The following FAM136A variants were observed in gnomAD, a reference collection of about 807,000 sequenced individuals.
FAM136A encodes TIM double twin CX3C motif protein.
In FAM136A, 25 loss-of-function variants were observed where a neutral mutation model predicts 21.6. That is an observed-to-expected ratio of 1.16 (90% CI 0.84 to 1.62). The LOEUF is 1.62. FAM136A is among the 40% of genes most tolerant of loss of function. FAM136A has a pLI of 0.00. For missense variants in FAM136A, 338 were observed against 332.0 expected, an observed-to-expected ratio of 1.02 and a Z score of -0.14; for synonymous variants, 119 against 129.4, an observed-to-expected ratio of 0.92 and a Z score of 0.55.
Position 70,301,815 on chromosome 2 carries a change from C to G in FAM136A, c.197G>C (p.Gly66Ala), listed in dbSNP as rs762025123. 1 of 1,548,508 alleles carries G rather than the reference C, an allele frequency of 6.5e-7. No homozygotes were observed. The highest frequency in any genetic ancestry group is 1.4e-5 in the African/African-American group (1 of 73,034). Residue 66 changes from glycine to alanine, a missense_variant, in exon 1 of 3, where the codon GGG becomes GCG. By Grantham distance (60) the Gly-to-Ala change is moderately conservative. Transcript: ENST00000430566. ...CCGGCGACCCCAGGGCCGCCCACAC[C>G]CGGTCTGCGGGGACGCGGCTGCAGT... ...PCTAAASPQT[G>A]CGRPWGRRGG... is the part of the protein sequence containing the mutation.
At position 70,300,977 on chromosome 2, in the gene FAM136A, G is replaced by A; in HGVS notation, c.412C>T (p.Leu138Phe). The A allele has an allele frequency of 6.2e-7, 1 of 1,609,832 alleles. No homozygotes were observed. The highest frequency in any genetic ancestry group is 8.5e-7 in the Non-Finnish European group (1 of 1,176,516). Residue 138 changes from leucine to phenylalanine, a missense_variant, in exon 2 of 3, where the codon CTC becomes TTC. Physicochemically the swap from Leu to Phe is conservative, Grantham distance 22. Transcript: ENST00000430566. ...CAGCTGGCGCTGCACCGGAACATGA[G>A]ACCCTGGGGAGAAAGGGCAGAGAGG... ...SPLTRPLPQG[L>F]MFRCSASCCE...
intron 1 of FAM136A, 100 bp from the exon 2 acceptor site, chr2:70,301,080 C>G (rs1697384517): frequency 7.4e-7 from 1 of 1,356,542 alleles, no homozygotes; most frequent in South Asian, 1.4e-5. Flanking sequence ...ATATTTGCAC[C>G]TCTCTCTCCA....
At chr2:70,301,465 A>C in intron 1 of FAM136A, 139 bp downstream of exon 1, 1 of 1,535,626 alleles carries the variant, frequency 6.5e-7, no homozygotes, top group Non-Finnish European at 8.7e-7. Context: ...AGAGAAGAAC[A>C]GTGTAGAAAC....
chr2:70,298,673 T>A (rs1417295952), intron 2 of FAM136A, among the ~76,000 whole-genome samples: 1 of 152,104 alleles, frequency 6.6e-6, no homozygotes, highest in Non-Finnish European at 1.5e-5. Flanking sequence ...TTTACAGCTA[T>A]GAGGCTAGAG....
Position 70,301,667 on chromosome 2 carries a change from C to T in FAM136A, c.345G>A (p.Val115=), listed in dbSNP as rs1697406139. ...CGAGCGCCTGCCACCAGGGGCTTCC[C>T]ACCTGCCGCCGAGGACGCTCCTGCC... The part of the protein sequence containing the change: ...SPGQERPRRQ[V]GSPWWQALAP... The change falls in exon 1 of 3, where the codon GTG becomes GTA. Residue 115 remains valine, a synonymous_variant. Transcript: ENST00000430566. 1 of 1,534,924 alleles carries T rather than the reference C, an allele frequency of 6.5e-7. No individual in the cohort carries two copies.
At chr2:70,299,004 A>G (rs1467985533) in intron 2 of FAM136A, among the ~76,000 whole-genome samples, 4 of 152,204 alleles carry the variant, frequency 2.6e-5, no homozygotes, top group Non-Finnish European at 5.9e-5. Context: ...AAGATAATGC[A>G]AGGGAAGTTA....
chr2:70,302,041 G>T lies in FAM136A; in HGVS notation c.-30C>A. On this transcript the variant is annotated 5_prime_UTR_variant, in exon 1 of 3. Coordinates refer to ENST00000430566, the MANE Select transcript of FAM136A (RefSeq NM_001329752.2). ...ACCCCGCGCTGCCCCGCGGCGCTCCGCGCCGGCGCCCATATGGAATCGGCG... is the reference window on the plus strand; with the variant it reads ...ACCCCGCGCTGCCCCGCGGCGCTCCTCGCCGGCGCCCATATGGAATCGGCG... 1 of 1,546,816 alleles carries T rather than the reference G, an allele frequency of 6.5e-7. No individual in the cohort carries two copies. Among genetic ancestry groups the T allele is most frequent in the South Asian group, 1.2e-5 (1 of 84,726 alleles).
chr2:70,298,285 G>A (rs935838341), intron 2 of FAM136A, among the ~76,000 whole-genome samples: 18 of 151,996 alleles, frequency 1.2e-4, no homozygotes, highest in Non-Finnish European at 2.4e-4. Flanking sequence ...TAGTAGAGAC[G>A]GGGTTTCTCC....
At chr2:70,299,378 G>C (rs761417010) in intron 2 of FAM136A, among the ~76,000 whole-genome samples, 1 of 152,158 alleles carries the variant, frequency 6.6e-6, no homozygotes, top group Non-Finnish European at 1.5e-5. Flanking sequence ...AGGAATCAGT[G>C]AGTCAACAGT....
In FAM136A at chr2:70,297,357, C is replaced by G; in HGVS notation, c.670G>C (p.Asp224His). The G allele has an allele frequency of 1.2e-6, 2 of 1,614,050 alleles. No individual in the cohort carries two copies. Among genetic ancestry groups the G allele is most frequent in the Non-Finnish European group, 1.7e-6 (2 of 1,179,908 alleles). Reference protein sequence around the residue: ...LDSCVTKCVDDHMHLIPTMTK... With the variant: ...LDSCVTKCVDHHMHLIPTMTK... ...ATAGTTGGGATGAGGTGCATGTGGT[C>G]ATCCACACACTTGGTCACACAACTG... The change falls in exon 3 of 3, where the codon GAC becomes CAC. Residue 224 changes from aspartate to histidine, a missense_variant. Coordinates refer to ENST00000430566, the MANE Select transcript of FAM136A (RefSeq NM_001329752.2).
In FAM136A at chr2:70,302,064, G is replaced by C; in HGVS notation, c.-53C>G. On this transcript the variant is annotated 5_prime_UTR_variant, in exon 1 of 3. Coordinates refer to ENST00000430566, the MANE Select transcript of FAM136A (RefSeq NM_001329752.2). ...CCGCGCCGGCGCCCATATGGAATCG[G>C]CGTACGGGCCCGCCCCCTCACCGCC... The C allele has an allele frequency of 6.6e-7, 1 of 1,513,014 alleles. No individual in the cohort carries two copies. The highest frequency in any genetic ancestry group is 1.3e-5 in the South Asian group (1 of 79,100). The allele number at this position is 1,513,014 out of a possible 1,614,324, so 93.7% of individuals were successfully genotyped here. A position where few individuals can be genotyped will look rare whatever the true frequency, so the allele number is the denominator to read the frequency against.
intron 2 of FAM136A, 96 bp downstream of exon 2, chr2:70,300,744 C>T: frequency 7.1e-7 from 1 of 1,409,866 alleles, no homozygotes; most frequent in South Asian, 1.5e-5. Context: ...TTAACAGAAC[C>T]AAGACACTAA....
chr2:70,299,734 G>T (rs571494365), intron 2 of FAM136A, among the ~76,000 whole-genome samples: 1 of 151,908 alleles, frequency 6.6e-6, no homozygotes, highest in Non-Finnish European at 1.5e-5. Flanking sequence ...CCGAGTAGCT[G>T]GGACTACAGG....
Position 70,301,592 on chromosome 2 carries a change from C to CGGGCCGCTCACCTGCGGAAG in FAM136A, c.400_408+11dup. 7.2e-6 allele frequency: 11 copies of CGGGCCGCTCACCTGCGGAAG among 1,535,920 alleles called. No individual in the cohort carries two copies. The highest frequency in any genetic ancestry group is 7.0e-6 in the Non-Finnish European group (8 of 1,146,738). The stretch of plus-strand genomic sequence containing the variant: ...CGTTGGCAGCGCCTCTGCTGGGCCT[C>CGGGCCGCTCACCTGCGGAAG]GGGCCGCTCACCTGCGGAAGGGGCC... On this transcript the variant is annotated intron_variant, in intron 1 of 2. Transcript: ENST00000430566.
intron 1 of FAM136A, chr2:70,301,253 G>C (rs1697389358): frequency 2.0e-6 from 2 of 988,100 alleles, no homozygotes; most frequent in Non-Finnish European, 1.4e-6. Context: ...CGCCCGAGTG[G>C]GTGAGGGTAG....
rs941600186 is a variant in FAM136A at position 70,301,620 on chromosome 2, G to GT, written c.391dup (p.Thr131AsnfsTer18). On this transcript the variant is annotated frameshift_variant, in exon 1 of 3. Coordinates refer to ENST00000430566, the MANE Select transcript of FAM136A (RefSeq NM_001329752.2). LOFTEE classifies it high-confidence loss of function. The stretch of plus-strand genomic sequence containing the variant: ...GCCGCTCACCTGCGGAAGGGGCCGC[G>GT]TAAGAGGGGAAGGTGGTGGGGCGAG... 6.5e-6 allele frequency: 10 copies of GT among 1,535,808 alleles called. No individual in the cohort carries two copies. In the African/African-American group the frequency reaches 1.1e-4, roughly 17 times the overall value.
At chr2:70,301,258 G>C (rs980841933) in intron 1 of FAM136A, 1 of 1,025,680 alleles carries the variant, frequency 9.7e-7, no homozygotes, top group Non-Finnish European at 1.4e-6. Flanking sequence ...GAGTGGGTGA[G>C]GGTAGGGTGG....
At chr2:70,300,599 A>T (rs1697369882) in intron 2 of FAM136A, 1 of 334,686 alleles carries the variant, frequency 3.0e-6, no homozygotes, top group African/African-American at 2.1e-5. Context: ...TGCTGGGATT[A>T]CAGGCATGAG....
Position 70,300,852 on chromosome 2 carries a change from C to T in FAM136A, c.537G>A (p.Leu179=), listed in dbSNP as rs960559212. 1 of 1,610,420 alleles carries T rather than the reference C, an allele frequency of 6.2e-7. No individual in the cohort carries two copies. The highest frequency in any genetic ancestry group is 8.5e-7 in the Non-Finnish European group (1 of 1,177,054). Residue 179 remains leucine (L), a synonymous_variant, in exon 2 of 3, where the codon CTG becomes CTA. Transcript: ENST00000430566. ...GGATATTTCTCACCTGGAACTTCTC[C>T]AGCTCACTGGTGACCAAAGCCTGGG... is the stretch of plus-strand genomic sequence containing the variant. ...AQAQALVTSE[L]EKFQDRLARC... is the part of the protein sequence containing the mutation.
Sources: allele counts gnomAD v4.1 joint callset (sites outside exome capture counted in the v4.1 genomes callset), GRCh38; gene constraint gnomAD v4.1.1; transcripts MANE v1.5; gene names NCBI Gene and HGNC (gene_info 2026-07-23, HGNC 2026-07-21).